Variants in TTC6 observed in about 807,000 individuals in gnomAD.
The protein encoded by TTC6 is tetratricopeptide repeat domain 6.
In TTC6, 172 loss-of-function variants were observed where a neutral mutation model predicts 210.4. The observed-to-expected ratio is 0.82, with a 90% CI of 0.72 to 0.93. The LOEUF (loss-of-function observed/expected upper bound fraction) is 0.93, where lower values mean the gene tolerates loss of function less well. Among genes scored for constraint, TTC6 ranks in the 40% least tolerant of loss-of-function variants. TTC6 has a pLI of 0.00. For missense variants in TTC6, 2,414 were observed against 2,318.1 expected (o/e 1.04, Z -0.85); for synonymous variants, 804 against 819.6 (o/e 0.98, Z 0.32).
intron 14 of TTC6, among the ~76,000 whole-genome samples, chr14:37,758,622 G>T (rs1462219560): frequency 6.6e-6 from 1 of 152,062 alleles, no homozygotes; most frequent in Non-Finnish European, 1.5e-5. Context: ...ACACCGATGG[G>T]TCTTGACTCT....
intron 1 of TTC6, among the ~76,000 whole-genome samples, chr14:37,674,933 T>C (rs2095765766): frequency 6.6e-6 from 1 of 152,130 alleles, no homozygotes; most frequent in Non-Finnish European, 1.5e-5. Context: ...CTTGTGTCAC[T>C]GGGCAATGTA....
At chr14:37,808,789 T>G in exon 24 of TTC6, 1 of 1,532,296 alleles carries the variant, frequency 6.5e-7, no homozygotes, top group African/African-American at 1.4e-5. Flanking sequence ...ACAAAAATAG[T>G]TATACAGCAT....
intron 6 of TTC6, 101 bp downstream of exon 8, chr14:37,714,897 GC>G: frequency 8.8e-7 from 1 of 1,141,758 alleles, no homozygotes; most frequent in South Asian, 1.7e-5. Context: ...TTGAGGGCTG[GC>G]CAGGTGTGGT....
At chr14:37,826,651 G>A (rs972772935) in intron 28 of TTC6, among the ~76,000 whole-genome samples, 1 of 152,038 alleles carries the variant, frequency 6.6e-6, no homozygotes, top group African/African-American at 2.4e-5. Context: ...ATAAAATAAT[G>A]TTCTAGGTTT....
chr14:37,671,982 C>G (rs2095759176), intron 1 of TTC6, among the ~76,000 whole-genome samples: 1 of 152,180 alleles, frequency 6.6e-6, no homozygotes, highest in South Asian at 2.1e-4. Flanking sequence ...CCATGCAGAA[C>G]TGTGTCAGTT....
At chr14:37,653,997 A>G (rs1027312474) in intron 1 of TTC6, among the ~76,000 whole-genome samples, 10 of 152,218 alleles carry the variant, frequency 6.6e-5, no homozygotes, top group Non-Finnish European at 1.3e-4. Flanking sequence ...TTTGTCCCCA[A>G]TTAGAAGAGT....
chr14:37,814,300 G>A (rs1201366578), intron 25 of TTC6, among the ~76,000 whole-genome samples: 1 of 152,096 alleles, frequency 6.6e-6, no homozygotes, highest in Non-Finnish European at 1.5e-5. Flanking sequence ...ACACAAGCGA[G>A]TCCCTATGCG....
chr14:37,768,332 G>T (rs1278046710), intron 14 of TTC6, among the ~76,000 whole-genome samples: 1 of 151,444 alleles, frequency 6.6e-6, no homozygotes, highest in African/African-American at 2.4e-5. Flanking sequence ...TTCCAATTCT[G>T]TGAAGAAAGT....
chr14:37,824,657 G>GCAAC (rs2096166185), intron 27 of TTC6, among the ~76,000 whole-genome samples: 1 of 152,134 alleles, frequency 6.6e-6, no homozygotes, highest in Non-Finnish European at 1.5e-5. Flanking sequence ...TTATAATCAT[G>GCAAC]ATAAGTGCAA....
At chr14:37,743,422 CTTATG>C (rs1173547315) in intron 10 of TTC6, among the ~76,000 whole-genome samples, 4 of 152,058 alleles carry the variant, frequency 2.6e-5, no homozygotes, top group Admixed American at 2.0e-4. Flanking sequence ...AAATATTGTA[CTTATG>C]TTATTAATAT....
chr14:37,745,713 A>T (rs901222741), intron 10 of TTC6, among the ~76,000 whole-genome samples: 1 of 152,158 alleles, frequency 6.6e-6, no homozygotes, highest in African/African-American at 2.4e-5. Flanking sequence ...GTATCTGTGG[A>T]TTAGCATAAG....
chr14:37,697,922 T>A (rs1001823702), intron 4 of TTC6, among the ~76,000 whole-genome samples: 1 of 152,164 alleles, frequency 6.6e-6, no homozygotes, highest in African/African-American at 2.4e-5. Flanking sequence ...GAGTCTTTTC[T>A]TTTTTATGTC....
intron 6 of TTC6, among the ~76,000 whole-genome samples, chr14:37,719,866 A>G (rs1311418801): frequency 6.6e-6 from 1 of 150,874 alleles, no homozygotes; most frequent in East Asian, 1.9e-4. Context: ...ATCAGAATTA[A>G]TTTTTTTTTT....
At chr14:37,775,322 T>G (rs1401080299) in intron 14 of TTC6, among the ~76,000 whole-genome samples, 1 of 152,150 alleles carries the variant, frequency 6.6e-6, no homozygotes, top group African/African-American at 2.4e-5. Flanking sequence ...TGATGGTAGG[T>G]TGTTAATTTG....
chr14:37,729,962 A>T (rs2095881768), intron 7 of TTC6, among the ~76,000 whole-genome samples: 1 of 152,144 alleles, frequency 6.6e-6, no homozygotes, highest in Non-Finnish European at 1.5e-5. Flanking sequence ...GTGACCATGG[A>T]GTAACCCATT....
intron 1 of TTC6, among the ~76,000 whole-genome samples, chr14:37,606,315 G>A (rs934126072): frequency 2.0e-5 from 3 of 152,236 alleles, no homozygotes; most frequent in South Asian, 2.1e-4. Flanking sequence ...TTTAGGCCAC[G>A]TTACTTAGTC....
chr14:37,827,339 C>T (rs146336837), exon 29 of TTC6: 3 of 1,612,762 alleles, frequency 1.9e-6, no homozygotes, highest in African/African-American at 2.7e-5. Flanking sequence ...CAGGAAATAT[C>T]TACTTTCACC....
chr14:37,714,189 A>G (rs912384406), intron 5 of TTC6, among the ~76,000 whole-genome samples: 1 of 152,142 alleles, frequency 6.6e-6, no homozygotes. Context: ...TGTAGCCTAG[A>G]AGAAAGACTT....
exon 1 of TTC6, chr14:37,622,581 G>A: frequency 6.5e-7 from 1 of 1,534,210 alleles, no homozygotes; most frequent in Non-Finnish European, 8.7e-7. Context: ...CTCGCGGCAC[G>A]CGGCTCCCAG....
Sources: allele counts gnomAD v4.1 joint callset (sites outside exome capture counted in the v4.1 genomes callset), GRCh38; gene constraint gnomAD v4.1.1; transcripts MANE v1.5; gene names NCBI Gene and HGNC (gene_info 2026-07-23, HGNC 2026-07-21).